IFT122: variants seen among roughly 807,000 people sequenced by gnomAD.
The protein encoded by IFT122 is intraflagellar transport 122.
A neutral mutation model predicts 161.6 loss-of-function variants in IFT122; 118 were observed. The ratio of observed to expected loss-of-function variants is 0.73; its 90% CI spans 0.63 to 0.85. IFT122 has a LOEUF of 0.85. Ranked by LOEUF, IFT122 falls within the 40% of genes least tolerant of loss-of-function variation. The pLI is 0.00. For missense variants in IFT122, 1,381 were observed against 1,579.6 expected (o/e 0.87, Z 2.13); for synonymous variants, 550 against 602.4 (o/e 0.91, Z 1.27).
At chr3:129,470,428 T>C (rs866975636) in intron 9 of IFT122, among the ~76,000 whole-genome samples, 2 of 151,802 alleles carry the variant, frequency 1.3e-5, no homozygotes, top group South Asian at 4.2e-4. Flanking sequence ...CACGCCTGGC[T>C]AATATTTTTT....
At chr3:129,483,237 T>C (rs2108348039) in intron 14 of IFT122, among the ~76,000 whole-genome samples, 1 of 152,350 alleles carries the variant, frequency 6.6e-6, no homozygotes, top group South Asian at 2.1e-4. Flanking sequence ...GAGAATAATT[T>C]TTTTTCAAAA....
intron 1 of IFT122, among the ~76,000 whole-genome samples, chr3:129,448,190 AT>A (rs1255339667): frequency 6.6e-6 from 1 of 152,210 alleles, no homozygotes; most frequent in East Asian, 1.9e-4. Context: ...AATATCCGAG[AT>A]TTGTTGTCTC....
At chr3:129,497,079 G>A (rs1253064247) in intron 18 of IFT122, among the ~76,000 whole-genome samples, 1 of 152,138 alleles carries the variant, frequency 6.6e-6, no homozygotes, top group Non-Finnish European at 1.5e-5. Flanking sequence ...TCAGGAGGTC[G>A]AGACCAGCCT....
intron 9 of IFT122, among the ~76,000 whole-genome samples, chr3:129,469,694 A>G (rs1288596738): frequency 1.3e-5 from 2 of 152,272 alleles, no homozygotes; most frequent in Non-Finnish European, 1.5e-5. Flanking sequence ...TCACACAGCT[A>G]GTAAATGGTG....
At chr3:129,486,673 T>C (rs563858836) in intron 15 of IFT122, among the ~76,000 whole-genome samples, 19 of 152,208 alleles carry the variant, frequency 1.2e-4, no homozygotes, top group African/African-American at 4.6e-4. Context: ...CTGGAGAGCC[T>C]GGGAGATGGT....
At chr3:129,515,823 G>A (rs1167135644) in intron 26 of IFT122, among the ~76,000 whole-genome samples, 3 of 152,182 alleles carry the variant, frequency 2.0e-5, no homozygotes, top group Non-Finnish European at 4.4e-5. Flanking sequence ...CACCCACTCT[G>A]GGAACCTGGC....
rs573243054 is a variant in IFT122, at chr3:129,447,617, A to G, written c.42-2254A>G. Among the ~76,000 whole-genome samples the G allele has an allele frequency of 3.5e-4, 53 of 152,200 alleles. 3 individuals carry two copies. In the South Asian group the frequency reaches 9.8e-3, roughly 28 times the overall value. ...AACCTCTGTCTCCCGGGTTCAAGCA[A>G]TTCTCCTGCCTCAGCCTCCCTAGTA... On this transcript the variant is annotated intron_variant, in intron 1 of 29. Coordinates refer to ENST00000348417, the MANE Select transcript of IFT122 (RefSeq NM_052989.3).
intron 1 of IFT122, 122 bp downstream of exon 1, chr3:129,440,493 C>CG: frequency 8.3e-7 from 1 of 1,207,196 alleles, no homozygotes; most frequent in South Asian, 1.3e-5. Context: ...CACTGAACCC[C>CG]GGCCTGGGAG....
At chr3:129,458,455 G>C in intron 3 of IFT122, 144 bp from the exon 4 acceptor site, 1 of 709,404 alleles carries the variant, frequency 1.4e-6, no homozygotes, top group Admixed American at 2.3e-5. Flanking sequence ...TGACTCCAAG[G>C]TCCTGCCTCC....
At chr3:129,442,528 G>A (rs2107803907) in intron 1 of IFT122, among the ~76,000 whole-genome samples, 2 of 151,356 alleles carry the variant, frequency 1.3e-5, no homozygotes, top group South Asian at 4.2e-4. Context: ...CCTGATGGCT[G>A]CTAGATATAC....
intron 16 of IFT122, 43 bp from the exon 17 acceptor site, chr3:129,492,098 G>A (rs1445037177): frequency 6.6e-7 from 1 of 1,520,708 alleles, no homozygotes; most frequent in Non-Finnish European, 9.1e-7. Flanking sequence ...CACTTTTGAA[G>A]CCAAGAAGAC....
chr3:129,461,452 T>C (rs2076208890), intron 5 of IFT122, 148 bp downstream of exon 5: 2 of 710,596 alleles, frequency 2.8e-6, no homozygotes, highest in South Asian at 1.5e-5. Flanking sequence ...CTGACAGTTA[T>C]TCTTTAAATT....
chr3:129,459,341 G>C (rs2075903968), intron 4 of IFT122: 3 of 449,206 alleles, frequency 6.7e-6, no homozygotes, highest in Non-Finnish European at 8.9e-6. Flanking sequence ...CCAGGCTGGA[G>C]TGCAGTGGCA....
At chr3:129,519,265 C>T (rs1182329676) in intron 28 of IFT122, 79 bp downstream of exon 28, 7 of 1,305,350 alleles carry the variant, frequency 5.4e-6, no homozygotes, top group African/African-American at 2.9e-5. Context: ...CCTCAGCTAG[C>T]GCAGTGGTGG....
chr3:129,477,872 G>A, intron 11 of IFT122, 144 bp from the exon 12 acceptor site: 2 of 697,410 alleles, frequency 2.9e-6, no homozygotes, highest in East Asian at 2.7e-5. Flanking sequence ...TTGATTGTAT[G>A]TATTAGATAC....
chr3:129,473,674 A>G (rs1318745307), intron 9 of IFT122, among the ~76,000 whole-genome samples: 4 of 152,198 alleles, frequency 2.6e-5, no homozygotes, highest in Non-Finnish European at 4.4e-5. Context: ...TATGTGCAGA[A>G]TTTAAGCTCT....
At chr3:129,463,682 C>A (rs1002671182) in intron 6 of IFT122, 56 bp downstream of exon 6, 35 of 1,393,166 alleles carry the variant, frequency 2.5e-5, no homozygotes, top group African/African-American at 2.3e-4. Flanking sequence ...CACAGACTCT[C>A]AAAATCCAAT....
chr3:129,519,817 T>TCCTCCCAGGGGCCAC, intron 29 of IFT122, 85 bp downstream of exon 29: 1 of 1,513,334 alleles, frequency 6.6e-7, no homozygotes, highest in Non-Finnish European at 9.1e-7. Context: ...GCGTGGCCCC[T>TCCTCCCAGGGGCCAC]GGGAGGAGGG....
Position 129,479,894 on chromosome 3 carries a change from G to A in IFT122, c.1460G>A (p.Gly487Asp), listed in dbSNP as rs775756736. Residue 487 changes from glycine to aspartate, a missense_variant, in exon 13 of 30, where the codon GGC becomes GAC. This residue lies in a region of IFT122 where 544 missense variants were observed against 648.0 expected (regional missense o/e 0.84). Coordinates refer to ENST00000348417, the MANE Select transcript of IFT122 (RefSeq NM_052989.3). ...KVIGGPPGRE[G>D]LLVGLKNGQI... ...ATCGGTGGCCCTCCTGGAAGAGAAG[G>A]CCTCTTAGTGGGGCTGAAGAATGGA... 8.7e-6 allele frequency: 14 copies of A among 1,613,976 alleles called. No homozygotes were observed. In the East Asian group the frequency reaches 8.9e-5, roughly 10 times the overall value.
Sources: gnomAD v4.1 joint callset for allele counts (sites outside exome capture counted in the v4.1 genomes callset) on GRCh38, gnomAD v4.1.1 for gene constraint, gnomAD v4.1.1 regional missense constraint, MANE v1.5 for transcripts, NCBI Gene and HGNC (gene_info 2026-07-23, HGNC 2026-07-21) for gene names.